CPEB2: variants seen among roughly 807,000 people sequenced by gnomAD.
The protein encoded by CPEB2 is cytoplasmic polyadenylation element binding protein 2.
Under a neutral mutation model 93.6 loss-of-function variants are expected in CPEB2, and 56 were observed. The observed-to-expected ratio is 0.60, with a 90% confidence interval of 0.48 to 0.75. CPEB2 has a LOEUF of 0.75. CPEB2 is among the 30% of genes least tolerant of loss of function. The pLI, the probability that CPEB2 is intolerant of heterozygous loss-of-function variation, is 0.00. For missense variants in CPEB2, 1,579 were observed against 1,395.1 expected (o/e 1.13, Z -2.10); for synonymous variants, 764 against 586.3 (o/e 1.30, Z -4.38).
At chr4:15,029,161 C>T (rs75596435) in intron 4 of CPEB2, among the ~76,000 whole-genome samples, 4,144 of 152,134 alleles carry the variant, frequency 0.027, 89 homozygotes, top group South Asian at 0.14. Context: ...CACATTTGTG[C>T]GGATTCAATG....
intron 6 of CPEB2, among the ~76,000 whole-genome samples, chr4:15,044,093 A>G (rs1163829881): frequency 5.3e-5 from 8 of 152,360 alleles, no homozygotes; most frequent in Non-Finnish European, 8.8e-5. Context: ...AATAACTTCA[A>G]TAATTGTGAG....
intron 7 of CPEB2, 60 bp downstream of exon 7, chr4:15,052,644 T>A (rs568884528): frequency 2.7e-6 from 3 of 1,125,748 alleles, no homozygotes; most frequent in Middle Eastern, 2.3e-4. Context: ...CAAAAAGATA[T>A]GAAATTTAAT....
chr4:15,016,294 A>G (rs1326902044), intron 3 of CPEB2, among the ~76,000 whole-genome samples: 1 of 152,070 alleles, frequency 6.6e-6, no homozygotes, highest in Non-Finnish European at 1.5e-5. Context: ...TTTGGAGGGC[A>G]TGGGCCAGAG....
At chr4:15,045,369 C>G (rs747793284) in intron 6 of CPEB2, among the ~76,000 whole-genome samples, 4 of 151,908 alleles carry the variant, frequency 2.6e-5, no homozygotes, top group African/African-American at 2.4e-5. Context: ...TCATAAATAC[C>G]TGTACATATG....
chr4:15,002,560 C>T lies in CPEB2; in HGVS notation c.-114C>T. 1 of 845,624 alleles carries T rather than the reference C, an allele frequency of 1.2e-6. No homozygotes were observed. Among genetic ancestry groups the T allele is most frequent in the Non-Finnish European group, 1.7e-6 (1 of 578,948 alleles). 52.4% of individuals were successfully genotyped at this position (845,624 alleles called of 1,614,324 possible). ...GCCCCCTGGCTCAGTCACGGTGTCC[C>T]TCTCTCACTGACTCCCCCTCCTTCC... On this transcript the variant is annotated 5_prime_UTR_variant, in exon 1 of 12. Coordinates refer to ENST00000538197, the MANE Select transcript of CPEB2 (RefSeq NM_001177382.2).
chr4:15,012,667 CTTAAAA>C (rs1698924659), intron 3 of CPEB2, among the ~76,000 whole-genome samples: 1 of 151,958 alleles, frequency 6.6e-6, no homozygotes. Flanking sequence ...TCAATATCTA[CTTAAAA>C]TTAAGGACAA....
At chr4:15,013,990 A>G (rs1723809994) in intron 3 of CPEB2, among the ~76,000 whole-genome samples, 1 of 152,050 alleles carries the variant, frequency 6.6e-6, no homozygotes, top group Non-Finnish European at 1.5e-5. Flanking sequence ...ACACCTCTCA[A>G]AATTGATTAT....
chr4:15,003,216 G>C lies in CPEB2; in HGVS notation c.543G>C (p.Glu181Asp), dbSNP rs1281995332. 58 of 1,532,334 alleles carry C rather than the reference G, an allele frequency of 3.8e-5. No individual in the cohort carries two copies. The highest frequency in any genetic ancestry group is 1.7e-4 in the Middle Eastern group (1 of 6,000). The allele number at this position is 1,532,334 out of a possible 1,614,324, so 94.9% of individuals were successfully genotyped here. ...QQQLSSQKRK[E>D]FSPPHLPHPP... ...AGCTGAGCAGCCAGAAGAGGAAAGA[G>C]TTCAGCCCTCCCCACCTTCCCCACC... The change falls in exon 1 of 12, where the codon GAG becomes GAC. Residue 181 changes from glutamate to aspartate, a missense_variant. Around this residue, in one of 2 missense-constraint regions of CPEB2, gnomAD observed 1,411 missense variants for 1,056.0 expected, o/e 1.34. Coordinates refer to ENST00000538197, the MANE Select transcript of CPEB2 (RefSeq NM_001177382.2).
At chr4:15,040,023 G>A (rs1727015142) in intron 5 of CPEB2, among the ~76,000 whole-genome samples, 1 of 152,012 alleles carries the variant, frequency 6.6e-6, no homozygotes. Context: ...AATGTAGATT[G>A]GATCTGAACA....
intron 5 of CPEB2, among the ~76,000 whole-genome samples, chr4:15,039,142 G>A (rs959940271): frequency 1.3e-5 from 2 of 152,104 alleles, no homozygotes; most frequent in African/African-American, 4.8e-5. Flanking sequence ...CAGATTACAA[G>A]CTAAATAAAG....
chr4:15,051,715 C>G (rs569018476), intron 6 of CPEB2, among the ~76,000 whole-genome samples: 3 of 152,298 alleles, frequency 2.0e-5, no homozygotes, highest in African/African-American at 7.2e-5. Context: ...AATGTACATT[C>G]CTTGACAGCC....
chr4:15,009,124 T>C (rs1437855048), intron 3 of CPEB2, among the ~76,000 whole-genome samples: 5 of 152,194 alleles, frequency 3.3e-5, no homozygotes, highest in Non-Finnish European at 1.5e-5. Context: ...TTATAGGTTA[T>C]AGAAAACTCA....
chr4:15,017,204 A>C lies in CPEB2; in HGVS notation c.2051A>C (p.Tyr684Ser). The stretch of plus-strand genomic sequence containing the variant: ...CTCTTCCAGGATCGAAGTAGAATGT[A>C]TGACAGTTTGAATATGCACTCTTTG... The part of the protein sequence containing the change: ...SRIDQDRSRM[Y>S]DSLNMHSLEN... The change falls in exon 4 of 12, where the codon TAT becomes TCT. Residue 684 changes from tyrosine to serine, a missense_variant. Around this residue, in one of 2 missense-constraint regions of CPEB2, gnomAD observed 1,411 missense variants for 1,056.0 expected, o/e 1.34. Transcript: ENST00000538197. The C allele has an allele frequency of 6.3e-7, 1 of 1,590,064 alleles. No homozygotes were observed. The highest frequency in any genetic ancestry group is 8.6e-7 in the Non-Finnish European group (1 of 1,159,956).
intron 6 of CPEB2, among the ~76,000 whole-genome samples, chr4:15,040,943 A>C (rs1727117327): frequency 6.6e-6 from 1 of 152,198 alleles, no homozygotes; most frequent in Admixed American, 6.5e-5. Flanking sequence ...TATTTTTAAC[A>C]GTGATTTATA....
At chr4:15,013,548 C>G (rs958281299) in intron 3 of CPEB2, among the ~76,000 whole-genome samples, 1 of 151,930 alleles carries the variant, frequency 6.6e-6, no homozygotes, top group African/African-American at 2.4e-5. Flanking sequence ...CACAATTTTT[C>G]CTAATGTCTG....
At chr4:15,025,188 C>A (rs1577398734) in intron 4 of CPEB2, among the ~76,000 whole-genome samples, 1 of 151,826 alleles carries the variant, frequency 6.6e-6, no homozygotes, top group East Asian at 1.9e-4. Context: ...TTTTTCAAAT[C>A]TTGAGTTTTT....
At chr4:15,034,149 A>G (rs1033856134) in intron 5 of CPEB2, among the ~76,000 whole-genome samples, 1 of 152,186 alleles carries the variant, frequency 6.6e-6, no homozygotes, top group Non-Finnish European at 1.5e-5. Context: ...AAGGCAGAGC[A>G]TTAGATGAGG....
chr4:15,068,210 G>A lies in CPEB2; in HGVS notation c.*1830G>A, dbSNP rs1031603352. 6.6e-6 allele frequency: 1 copy of A among 152,238 alleles called. No homozygotes were observed. The highest frequency in any genetic ancestry group is 1.5e-5 in the Non-Finnish European group (1 of 67,864). 9.4% of individuals were successfully genotyped at this position (152,238 alleles called of 1,614,324 possible). A position where few individuals can be genotyped will look rare whatever the true frequency, so the allele number is the denominator to read the frequency against. On this transcript the variant is annotated 3_prime_UTR_variant, in exon 12 of 12. Transcript: ENST00000538197. Reference sequence around the variant, plus strand: ...GAGCAAAGTGTTGATCTTAATATTGGTTGTCTGTGGTGTGCTTTTTTGTAC... The same window carrying A: ...GAGCAAAGTGTTGATCTTAATATTGATTGTCTGTGGTGTGCTTTTTTGTAC...
intron 11 of CPEB2, among the ~76,000 whole-genome samples, chr4:15,063,068 G>A (rs1729349571): frequency 6.6e-6 from 1 of 152,040 alleles, no homozygotes; most frequent in Non-Finnish European, 1.5e-5. Flanking sequence ...GAATATGCGG[G>A]TAAATGAATT....
Sources: allele counts gnomAD v4.1 joint callset (sites outside exome capture counted in the v4.1 genomes callset), GRCh38; gene constraint gnomAD v4.1.1; regional missense constraint gnomAD v4.1.1; transcripts MANE v1.5; gene names NCBI Gene and HGNC (gene_info 2026-07-23, HGNC 2026-07-21).